Variants in HGS observed in about 807,000 individuals in gnomAD.
The protein encoded by HGS is human growth factor-regulated tyrosine kinase substrate.
HGS carries 63 observed loss-of-function variants against 109.7 expected under a neutral mutation model. The observed-to-expected ratio is 0.57, with a 90% confidence interval of 0.47 to 0.71. The LOEUF (loss-of-function observed/expected upper bound fraction) is 0.71, where lower values mean the gene tolerates loss of function less well. Ranked by LOEUF, HGS falls within the 30% of genes least tolerant of loss-of-function variation. The pLI, the probability that HGS is intolerant of heterozygous loss-of-function variation, is 0.00. For missense variants in HGS, 995 were observed against 1,068.3 expected (o/e 0.93, Z 0.96); for synonymous variants, 546 against 437.3 (o/e 1.25, Z -3.10).
chr17:81,701,071 G>C lies in HGS; in HGVS notation c.2163G>C (p.Gln721His). The change falls in exon 21 of 22, where the codon CAG (glutamine) becomes CAC (histidine). Residue 721 changes from glutamine to histidine, a missense_variant. By Grantham distance (24) the Gln-to-His change is conservative. Transcript: ENST00000329138. ...ATCTCATGACCACCCTCCCAAGCCA[G>C]GATGCGTCTCTGCCACCCCAGCAGC... is the stretch of plus-strand genomic sequence containing the variant. ...MQNLMTTLPS[Q>H]DASLPPQQPY... 2 of 1,614,096 alleles carry C rather than the reference G, an allele frequency of 1.2e-6. No homozygotes were observed. The highest frequency in any genetic ancestry group is 1.7e-5 in the Admixed American group (1 of 60,026).
chr17:81,687,860 G>A (rs1436574523), intron 4 of HGS, among the ~76,000 whole-genome samples: 1 of 152,202 alleles, frequency 6.6e-6, no homozygotes, highest in Non-Finnish European at 1.5e-5. Flanking sequence ...CCGGTGGACA[G>A]CCAGGCCTCT....
chr17:81,685,054 T>C, intron 1 of HGS: 3 of 985,284 alleles, frequency 3.0e-6, no homozygotes, highest in Non-Finnish European at 3.6e-6. Context: ...ACAGCAGTGA[T>C]GTGGTATGAT....
intron 4 of HGS, 146 bp from the exon 5 acceptor site, chr17:81,688,558 C>T: frequency 1.1e-6 from 1 of 942,556 alleles, no homozygotes; most frequent in Non-Finnish European, 1.6e-6. Context: ...GGTGCATGGC[C>T]CCCACGCCCC....
chr17:81,687,911 G>A (rs770225455), intron 4 of HGS, among the ~76,000 whole-genome samples: 2 of 152,180 alleles, frequency 1.3e-5, no homozygotes, highest in Non-Finnish European at 2.9e-5. Flanking sequence ...TTCCTGTCCC[G>A]TCCTGTCCTG....
intron 3 of HGS, 131 bp downstream of exon 3, chr17:81,686,518 C>T: frequency 3.0e-6 from 2 of 670,916 alleles, no homozygotes; most frequent in South Asian, 3.5e-5. Flanking sequence ...AGTTTCCACT[C>T]AGCCTTGAGT....
At chr17:81,684,958 C>T (rs1174600098) in intron 1 of HGS, 2 of 985,246 alleles carry the variant, frequency 2.0e-6, no homozygotes, top group African/African-American at 3.5e-5. Flanking sequence ...GTGGACGTGG[C>T]TTGGCTTGTT....
chr17:81,685,718 C>T lies in HGS; in HGVS notation c.122+29C>T, dbSNP rs372033331. 2.4e-3 allele frequency: 3,761 copies of T among 1,576,978 alleles called. 5 individuals are homozygous for T. The highest frequency in any genetic ancestry group is 3.0e-3 in the Non-Finnish European group (3,400 of 1,152,358). On this transcript the variant is annotated intron_variant, in intron 2 of 21. Transcript: ENST00000329138. Reference sequence around the variant, plus strand: ...AGTTAGCGGGGCCTGTGCCCTGATGCGGAGGAGCAGCCGTGCACTAAGCTG... The same window carrying T: ...AGTTAGCGGGGCCTGTGCCCTGATGTGGAGGAGCAGCCGTGCACTAAGCTG...
chr17:81,684,037 C>T lies in HGS; in HGVS notation c.-30C>T, dbSNP rs756047044. ...CGCCAGCTCGTAGCAGGGGAGCGCC[C>T]GCGGCGTCGGGTTTGGGCTGGAGGT... On this transcript the variant is annotated 5_prime_UTR_variant, in exon 1 of 22. Coordinates refer to ENST00000329138, the MANE Select transcript of HGS (RefSeq NM_004712.5). The T allele has an allele frequency of 2.1e-5, 34 of 1,582,928 alleles. No homozygotes were observed. The Admixed American group carries it at 4.1e-4, about 19-fold the overall frequency.
At chr17:81,695,570 C>A in intron 14 of HGS, 1 of 605,206 alleles carries the variant, frequency 1.7e-6, no homozygotes, top group Non-Finnish European at 2.9e-6. Flanking sequence ...GGCAGTGGGG[C>A]CCTGAGCCAG....
intron 3 of HGS, 24 bp from the exon 4 acceptor site, chr17:81,686,979 C>G (rs776966778): frequency 1.2e-6 from 2 of 1,601,288 alleles, no homozygotes; most frequent in African/African-American, 2.7e-5. Flanking sequence ...CTGGCCCAAC[C>G]CTTCCCTTCC....
chr17:81,695,008 C>T lies in HGS; in HGVS notation c.1060C>T (p.Leu354=), dbSNP rs1249485414. 2 of 1,614,098 alleles carry T rather than the reference C, an allele frequency of 1.2e-6. No individual in the cohort carries two copies. Among genetic ancestry groups the T allele is most frequent in the Non-Finnish European group, 1.7e-6 (2 of 1,180,018 alleles). The part of the protein sequence containing the change: ...KSPTPSAPVP[L]TEPAAQPGEG... ...CCCCACGCCATCTGCGCCCGTGCCC[C>T]TGACGGAGCCGGCTGCACAGCCTGG... Residue 354 remains leucine, a synonymous_variant, in exon 13 of 22, where the codon CTG becomes TTG. Coordinates refer to ENST00000329138, the MANE Select transcript of HGS (RefSeq NM_004712.5).
chr17:81,687,964 T>C (rs559274573), intron 4 of HGS, among the ~76,000 whole-genome samples: 14 of 152,318 alleles, frequency 9.2e-5, no homozygotes, highest in African/African-American at 3.4e-4. Flanking sequence ...TGCCCGACCC[T>C]GGTGCTCCTG....
intron 18 of HGS, 161 bp downstream of exon 18, chr17:81,697,159 A>C: frequency 2.6e-6 from 2 of 763,562 alleles, no homozygotes; most frequent in Non-Finnish European, 4.0e-6. Context: ...GCACTCACAC[A>C]GGCTTTCCTG....
In HGS at chr17:81,694,976, G is replaced by T. The variant is rs756329712; in HGVS notation, c.1028G>T (p.Arg343Leu). The T allele has an allele frequency of 5.0e-6, 8 of 1,614,124 alleles. No individual in the cohort carries two copies. In the Admixed American group the frequency reaches 5.0e-5, roughly 10 times the overall value. The change falls in exon 13 of 22, where the codon CGC becomes CTC. Residue 343 changes from arginine to leucine, a missense_variant. This residue lies in a region of HGS where 300 missense variants were observed against 235.4 expected (regional missense o/e 1.27). Transcript: ENST00000329138. ...NYWEKKQEEA[R>L]KSPTPSAPVP... ...TGGGAGAAGAAGCAGGAGGAGGCTC[G>T]CAAGAGCCCCACGCCATCTGCGCCC...
chr17:81,690,835 C>A (rs766628488), intron 7 of HGS, 93 bp downstream of exon 7: 10 of 1,160,930 alleles, frequency 8.6e-6, no homozygotes, highest in Non-Finnish European at 1.1e-5. Flanking sequence ...CCTTTCCTTC[C>A]TGGTGGGTGG....
At chr17:81,692,410 A>G (rs748348107) in intron 8 of HGS, 1 of 152,174 alleles carries the variant, frequency 6.6e-6, no homozygotes, top group South Asian at 2.1e-4. Context: ...GAGTGAGGCC[A>G]TGCCCTCCTC....
intron 21 of HGS, 32 bp downstream of exon 21, chr17:81,701,163 C>G: frequency 1.9e-6 from 3 of 1,569,272 alleles, no homozygotes; most frequent in Non-Finnish European, 2.6e-6. Context: ...ACAGCGGCAC[C>G]CGCAGGGCAC....
chr17:81,693,794 T>A (rs1327723531), intron 10 of HGS, 42 bp downstream of exon 10: 2 of 1,543,738 alleles, frequency 1.3e-6, no homozygotes, highest in Non-Finnish European at 1.7e-6. Context: ...GGGGCCCAGC[T>A]CCCCTGGATG....
At chr17:81,690,998 CA>C (rs1400104322) in intron 7 of HGS, among the ~76,000 whole-genome samples, 1 of 152,208 alleles carries the variant, frequency 6.6e-6, no homozygotes, top group African/African-American at 2.4e-5. Flanking sequence ...CAGGCCTTGC[CA>C]CAGTCACTCT....
Sources: gnomAD v4.1 joint callset for allele counts (sites outside exome capture counted in the v4.1 genomes callset) on GRCh38, gnomAD v4.1.1 for gene constraint, gnomAD v4.1.1 regional missense constraint, MANE v1.5 for transcripts, NCBI Gene and HGNC (gene_info 2026-07-23, HGNC 2026-07-21) for gene names.